LPCAT3: variants seen among roughly 807,000 people sequenced by gnomAD.
LPCAT3 encodes lysophospholipid acyltransferase 5.
Under a neutral mutation model 63.4 loss-of-function variants are expected in LPCAT3, and 21 were observed. That is an observed-to-expected ratio of 0.33 (90% CI 0.23 to 0.48). The LOEUF (loss-of-function observed/expected upper bound fraction) is 0.48. LPCAT3 is among the 20% of genes least tolerant of loss of function. The pLI is 0.99. For missense variants in LPCAT3, 451 were observed against 590.6 expected, an observed-to-expected ratio of 0.76 and a Z score of 2.45; for synonymous variants, 242 against 227.5, an observed-to-expected ratio of 1.06 and a Z score of -0.58.
intron 1 of LPCAT3, among the ~76,000 whole-genome samples, chr12:7,003,354 G>A (rs1946702683): frequency 6.6e-6 from 1 of 150,714 alleles, no homozygotes; most frequent in Non-Finnish European, 1.5e-5. Context: ...TTGGGAGTAG[G>A]GTGAGTTTTT....
chr12:6,996,059 C>T (rs1946633397), intron 1 of LPCAT3, among the ~76,000 whole-genome samples: 1 of 152,188 alleles, frequency 6.6e-6, no homozygotes, highest in South Asian at 2.1e-4. Context: ...GGCCTCTATT[C>T]TCACTCAGAT....
At chr12:7,009,246 G>T (rs1946746407) in intron 1 of LPCAT3, among the ~76,000 whole-genome samples, 1 of 152,114 alleles carries the variant, frequency 6.6e-6, no homozygotes, top group South Asian at 2.1e-4. Context: ...CTTTTTAATA[G>T]AAATGGGTTT....
intron 1 of LPCAT3, among the ~76,000 whole-genome samples, chr12:7,007,341 G>A (rs1934936983): frequency 6.6e-6 from 1 of 151,680 alleles, no homozygotes; most frequent in Non-Finnish European, 1.5e-5. Flanking sequence ...GTAAGCCACC[G>A]CGCCTGGCCA....
rs1385659209 is a variant in LPCAT3, at chr12:6,981,259, TG to T, written c.499-78del. 5.0e-6 allele frequency: 6 copies of T among 1,196,490 alleles called. No homozygotes were observed. In the Admixed American group the frequency reaches 1.1e-4, roughly 22 times the overall value. The allele number at this position is 1,196,490 out of a possible 1,614,324, so 74.1% of individuals were successfully genotyped here. On this transcript the variant is annotated intron_variant, in intron 5 of 12. Coordinates refer to ENST00000261407, the MANE Select transcript of LPCAT3 (RefSeq NM_005768.6). Reference sequence around the variant, plus strand: ...AGAGCCACTTTGAGTGTTCCCCACCTGTGTGCCCCACTGACTGGGGTTCTTC... The same window carrying T: ...AGAGCCACTTTGAGTGTTCCCCACCTTGTGCCCCACTGACTGGGGTTCTTC...
At chr12:7,016,705 C>T (rs1189849359) in intron 1 of LPCAT3, among the ~76,000 whole-genome samples, 1 of 152,152 alleles carries the variant, frequency 6.6e-6, no homozygotes, top group Non-Finnish European at 1.5e-5. Flanking sequence ...ACACTAATTG[C>T]TAATTACAAT....
Position 7,018,449 on chromosome 12 carries a change from A to G in LPCAT3, c.-25T>C. 1 of 1,571,506 alleles carries G rather than the reference A, an allele frequency of 6.4e-7. No individual in the cohort carries two copies. The highest frequency in any genetic ancestry group is 8.7e-7 in the Non-Finnish European group (1 of 1,155,912). On this transcript the variant is annotated 5_prime_UTR_variant, in exon 1 of 13. Transcript: ENST00000261407. The surrounding 1 kb of genome is among the most constrained non-coding windows in gnomAD (Gnocchi z 4.9). ...TCTTAACTCCGGGAGCCCCACAGGG[A>G]CCCCCCAGCTCCGCGCGCCCCGAAT... is the stretch of plus-strand genomic sequence containing the variant.
intron 1 of LPCAT3, among the ~76,000 whole-genome samples, chr12:7,002,284 TTCTC>T: frequency 6.6e-6 from 1 of 152,322 alleles, no homozygotes; most frequent in Admixed American, 6.5e-5. Flanking sequence ...CACTTTCTGG[TTCTC>T]TCTCAAGTCC....
intron 1 of LPCAT3, among the ~76,000 whole-genome samples, chr12:7,011,064 G>A (rs1218175037): frequency 6.6e-6 from 1 of 152,052 alleles, no homozygotes; most frequent in Non-Finnish European, 1.5e-5. Flanking sequence ...TGCCCATGCT[G>A]GAGTGTAGAG....
chr12:6,989,244 C>T (rs1946563281), intron 1 of LPCAT3, among the ~76,000 whole-genome samples: 1 of 151,750 alleles, frequency 6.6e-6, no homozygotes, highest in Non-Finnish European at 1.5e-5. Context: ...TAGTACACTC[C>T]AAACCTGAGG....
chr12:7,008,497 A>G (rs1946741464), intron 1 of LPCAT3, among the ~76,000 whole-genome samples: 1 of 152,218 alleles, frequency 6.6e-6, no homozygotes, highest in Admixed American at 6.5e-5. Context: ...ACTTATATTA[A>G]GAAACGTAAG....
chr12:6,978,751 C>A, intron 7 of LPCAT3, 62 bp from the exon 8 acceptor site: 1 of 1,594,580 alleles, frequency 6.3e-7, no homozygotes, highest in Admixed American at 1.7e-5. Flanking sequence ...TCTCTCAGCA[C>A]TCTTCCTTTT....
chr12:6,979,727 G>A, intron 6 of LPCAT3, 148 bp from the exon 7 acceptor site: 2 of 625,224 alleles, frequency 3.2e-6, no homozygotes. Flanking sequence ...AGTGTTTCCT[G>A]TTTCAGGGAA....
chr12:6,996,146 C>T (rs1327983286), intron 1 of LPCAT3, among the ~76,000 whole-genome samples: 3 of 152,294 alleles, frequency 2.0e-5, no homozygotes, highest in Middle Eastern at 3.4e-3. Flanking sequence ...ATCTCTCAAT[C>T]TGGCCTCTAC....
intron 1 of LPCAT3, 112 bp from the exon 2 acceptor site, chr12:6,983,651 A>AG: frequency 1.4e-6 from 1 of 695,186 alleles, no homozygotes; most frequent in Non-Finnish European, 2.5e-6. Flanking sequence ...GAAAAAAAAA[A>AG]CAACATACAT....
intron 1 of LPCAT3, among the ~76,000 whole-genome samples, chr12:7,016,662 T>C (rs1298303633): frequency 1.3e-5 from 2 of 152,240 alleles, no homozygotes; most frequent in African/African-American, 4.8e-5. Flanking sequence ...GTTACGATTA[T>C]AAGCATAAGC....
chr12:6,981,035 G>T lies in LPCAT3; in HGVS notation c.646C>A (p.Leu216Met), dbSNP rs781850460. The change falls in exon 6 of 13, where the codon CTG becomes ATG. Residue 216 changes from leucine (L) to methionine (M), a missense_variant. Leu to Met is a conservative substitution (Grantham distance 15). Transcript: ENST00000261407. ...GGTATCTTTCCTGGTATGTCAATCA[G>T]CTCTCCCTGCACCAGCTTCATGTAG... ...NHYMKLVQGE[L>M]IDIPGKIPNS... The T allele has an allele frequency of 1.9e-6, 3 of 1,606,352 alleles. No individual in the cohort carries two copies. Among genetic ancestry groups the T allele is most frequent in the Non-Finnish European group, 2.5e-6 (3 of 1,177,222 alleles).
rs141186716 is a variant in LPCAT3, at chr12:7,003,693, C to T, written c.151+14581G>A. On this transcript the variant is annotated intron_variant, in intron 1 of 12. Coordinates refer to ENST00000261407, the MANE Select transcript of LPCAT3 (RefSeq NM_005768.6). Reference sequence around the variant, plus strand: ...ATCCCAGCACTTTGGGAGGCCGAGGCGGGTGGATCATGAGGTCAGGAGATC... The same window carrying T: ...ATCCCAGCACTTTGGGAGGCCGAGGTGGGTGGATCATGAGGTCAGGAGATC... Among the ~76,000 whole-genome samples, 121 of 151,734 alleles carry T rather than the reference C, an allele frequency of 8.0e-4. 2 individuals are homozygous for T. The East Asian group carries it at 0.021, about 26-fold the overall frequency.
At chr12:6,979,413 C>T in intron 7 of LPCAT3, 58 bp downstream of exon 7, 1 of 1,280,120 alleles carries the variant, frequency 7.8e-7, no homozygotes, top group East Asian at 2.3e-5. Context: ...GGGATCCTTG[C>T]CTGTCCATTT....
chr12:6,983,112 T>C, intron 2 of LPCAT3: 1 of 501,764 alleles, frequency 2.0e-6, no homozygotes, highest in Admixed American at 3.0e-5. Flanking sequence ...TTTTTGAATG[T>C]CTGAAGTGAA....
Sources: gnomAD v4.1 joint callset for allele counts (sites outside exome capture counted in the v4.1 genomes callset) on GRCh38, gnomAD v4.1.1 for gene constraint, Gnocchi (gnomAD v3.1) non-coding constraint, MANE v1.5 for transcripts, NCBI Gene and HGNC (gene_info 2026-07-23, HGNC 2026-07-21) for gene names.